Variants in COG5 observed in about 807,000 individuals in gnomAD.
COG5 encodes conserved oligomeric Golgi complex subunit 5.
COG5 carries 86 observed loss-of-function variants against 110.4 expected under a neutral mutation model. The observed-to-expected ratio is 0.78, with a 90% CI of 0.65 to 0.93. COG5 has a LOEUF of 0.93. Ranked by LOEUF, COG5 falls within the 40% of genes least tolerant of loss-of-function variation. The pLI is 0.00. For synonymous variants in COG5, 360 were observed against 334.6 expected (o/e 1.08, Z -0.83); for missense variants, 1,077 against 987.0 (o/e 1.09, Z -1.22).
At chr7:107,379,019 G>A (rs1242189562) in intron 7 of COG5, among the ~76,000 whole-genome samples, 1 of 152,196 alleles carries the variant, frequency 6.6e-6, no homozygotes, top group East Asian at 1.9e-4. Context: ...GGCAGCCAGA[G>A]AGAAAGGTCG....
At chr7:107,462,547 C>T (rs1253471924) in intron 6 of COG5, among the ~76,000 whole-genome samples, 1 of 141,960 alleles carries the variant, frequency 7.0e-6, no homozygotes, top group African/African-American at 2.7e-5. Flanking sequence ...GAGGGAAAGG[C>T]AACAACCCCA....
intron 6 of COG5, among the ~76,000 whole-genome samples, chr7:107,461,057 C>T (rs1795960521): frequency 6.6e-6 from 1 of 151,936 alleles, no homozygotes; most frequent in Non-Finnish European, 1.5e-5. Context: ...AAAACATTTT[C>T]AAAATTGGAG....
chr7:107,462,300 C>G (rs889369483), intron 6 of COG5, among the ~76,000 whole-genome samples: 3 of 152,152 alleles, frequency 2.0e-5, no homozygotes, highest in Non-Finnish European at 4.4e-5. Context: ...GCCAGAGGAT[C>G]TACAGACACA....
At chr7:107,319,978 C>G (rs1173501879) in intron 11 of COG5, among the ~76,000 whole-genome samples, 1 of 151,892 alleles carries the variant, frequency 6.6e-6, no homozygotes, top group African/African-American at 2.4e-5. Flanking sequence ...TTTCAAAAAA[C>G]AAAACAACAA....
chr7:107,341,371 A>G (rs1194450468), intron 10 of COG5, among the ~76,000 whole-genome samples: 1 of 152,162 alleles, frequency 6.6e-6, no homozygotes, highest in Non-Finnish European at 1.5e-5. Flanking sequence ...GAAAGAAATC[A>G]TAGATGACAC....
intron 6 of COG5, among the ~76,000 whole-genome samples, chr7:107,447,010 C>A (rs1449969081): frequency 6.6e-6 from 1 of 152,178 alleles, no homozygotes; most frequent in Non-Finnish European, 1.5e-5. Context: ...AAGGTATTGG[C>A]TGTCTGTGTT....
chr7:107,284,057 T>C (rs1393831814), intron 12 of COG5, among the ~76,000 whole-genome samples: 2 of 152,050 alleles, frequency 1.3e-5, no homozygotes, highest in African/African-American at 4.8e-5. Context: ...CCCAAGTAGC[T>C]GGGATTACAG....
At chr7:107,435,925 A>C (rs532143792) in intron 6 of COG5, among the ~76,000 whole-genome samples, 1 of 152,364 alleles carries the variant, frequency 6.6e-6, no homozygotes, top group South Asian at 2.1e-4. Flanking sequence ...GATAAAGAAA[A>C]TGTGGTATAC....
chr7:107,421,765 C>CAAA (rs202025992), intron 6 of COG5, among the ~76,000 whole-genome samples: 3 of 120,372 alleles, frequency 2.5e-5, no homozygotes, highest in Admixed American at 8.7e-5. Context: ...GACTCCGTCT[C>CAAA]AAAAAAAAAA....
At position 107,358,216 on chromosome 7, in the gene COG5, A is replaced by G. The variant is rs151338072; in HGVS notation, c.1026+3817T>C. Among the ~76,000 whole-genome samples, 512 of 152,330 alleles carry G rather than the reference A, an allele frequency of 3.4e-3. 5 individuals are homozygous for G. Among genetic ancestry groups the G allele is most frequent in the African/African-American group, 0.012 (483 of 41,574 alleles). On this transcript the variant is annotated intron_variant, in intron 10 of 21. Transcript: ENST00000297135. ...TAGAATATTAAATTGTTCAAAAGGA[A>G]TAACAATATGCAAAGTATTTGATAA...
intron 19 of COG5, among the ~76,000 whole-genome samples, chr7:107,230,236 C>G (rs1166970882): frequency 6.6e-6 from 1 of 151,964 alleles, no homozygotes; most frequent in Non-Finnish European, 1.5e-5. Flanking sequence ...TAGAAGCAGA[C>G]TGGGTTAAAA....
intron 7 of COG5, among the ~76,000 whole-genome samples, chr7:107,384,786 C>A (rs1007725919): frequency 6.6e-6 from 1 of 152,140 alleles, no homozygotes; most frequent in African/African-American, 2.4e-5. Flanking sequence ...AGAGCCCTCA[C>A]CAGAAACTGA....
At chr7:107,415,915 T>C (rs1487275511) in intron 6 of COG5, among the ~76,000 whole-genome samples, 1 of 91,390 alleles carries the variant, frequency 1.1e-5, no homozygotes, top group African/African-American at 4.2e-5. Flanking sequence ...TGTATGTATG[T>C]GTGTGTATAT....
chr7:107,247,744 C>T (rs562352693), intron 17 of COG5, among the ~76,000 whole-genome samples: 2 of 152,244 alleles, frequency 1.3e-5, no homozygotes, highest in African/African-American at 2.4e-5. Flanking sequence ...GGATTAGGAA[C>T]TATGATTATT....
At chr7:107,465,210 T>C (rs2106433) in intron 6 of COG5, among the ~76,000 whole-genome samples, 2,224 of 152,240 alleles carry the variant, frequency 0.015, 56 homozygotes, top group African/African-American at 0.052. Context: ...ATTGTCTATA[T>C]AGAAAATACC....
chr7:107,403,722 C>A (rs1024558763), intron 7 of COG5, among the ~76,000 whole-genome samples: 1 of 152,090 alleles, frequency 6.6e-6, no homozygotes, highest in Non-Finnish European at 1.5e-5. Flanking sequence ...GGGCACTAAT[C>A]CCATTCAAGA....
chr7:107,233,844 T>C (rs2237663), intron 18 of COG5, among the ~76,000 whole-genome samples: 96,453 of 152,056 alleles, frequency 0.63, 32,936 homozygotes, highest in African/African-American at 0.91. Context: ...TGACTGACCC[T>C]CGAAAAACAC....
intron 12 of COG5, among the ~76,000 whole-genome samples, chr7:107,294,524 C>G (rs1214566606): frequency 6.6e-6 from 1 of 152,082 alleles, no homozygotes; most frequent in Non-Finnish European, 1.5e-5. Context: ...CATCATTCCT[C>G]TAAATCAATG....
chr7:107,431,511 GA>G (rs1387717359), intron 6 of COG5, among the ~76,000 whole-genome samples: 1 of 152,088 alleles, frequency 6.6e-6, no homozygotes, highest in African/African-American at 2.4e-5. Context: ...AAAAGATGGG[GA>G]AAATCACTGA....
Sources: allele counts gnomAD v4.1 joint callset (sites outside exome capture counted in the v4.1 genomes callset), GRCh38; gene constraint gnomAD v4.1.1; transcripts MANE v1.5; gene names NCBI Gene and HGNC (gene_info 2026-07-23, HGNC 2026-07-21).